The following PGAP2 variants were observed in gnomAD, a reference collection of about 807,000 sequenced individuals.
PGAP2 encodes the protein acyltransferase PGAP2.
A neutral mutation model predicts 33.2 loss-of-function variants in PGAP2; 21 were observed. The observed-to-expected ratio is 0.63, with a 90% CI of 0.45 to 0.91. PGAP2 has a LOEUF of 0.91. Ranked by LOEUF, PGAP2 falls within the 40% of genes least tolerant of loss-of-function variation. PGAP2 has a pLI of 0.00. For missense variants in PGAP2, 345 were observed against 424.0 expected (o/e 0.81, Z 1.64); for synonymous variants, 161 against 172.9 (o/e 0.93, Z 0.54).
At chr11:3,817,162 C>T (rs1313788760) in intron 2 of PGAP2, among the ~76,000 whole-genome samples, 191 bp from the exon 3 acceptor site, 1 of 152,154 alleles carries the variant, frequency 6.6e-6, no homozygotes, top group African/African-American at 2.4e-5. Flanking sequence ...CCCTGCCTGT[C>T]TCTGCTGCTC....
chr11:3,824,562 A>G (rs2089647805), intron 5 of PGAP2, 186 bp downstream of exon 5: 2 of 871,416 alleles, frequency 2.3e-6, no homozygotes, highest in Admixed American at 4.3e-5. Context: ...CTAGGACTAT[A>G]GCACTGTGTT....
chr11:3,812,420 C>T (rs537743258), intron 2 of PGAP2, among the ~76,000 whole-genome samples: 2 of 152,158 alleles, frequency 1.3e-5, no homozygotes, highest in African/African-American at 4.8e-5. Flanking sequence ...ATAGTGAGAC[C>T]CCCATTTCTA....
intron 3 of PGAP2, chr11:3,822,979 C>T: frequency 6.6e-7 from 1 of 1,503,832 alleles, no homozygotes; most frequent in African/African-American, 1.4e-5. Flanking sequence ...TGGTCATTTC[C>T]TTAGACTACC....
intron 3 of PGAP2, among the ~76,000 whole-genome samples, chr11:3,820,546 G>C (rs2088316544): frequency 6.6e-6 from 1 of 152,142 alleles, no homozygotes; most frequent in Admixed American, 6.5e-5. Context: ...TGTAATCCCA[G>C]CTACTCGGGA....
chr11:3,825,517 C>G lies in PGAP2; in HGVS notation c.*59C>G. 1 of 1,548,570 alleles carries G rather than the reference C, an allele frequency of 6.5e-7. No individual in the cohort carries two copies. The highest frequency in any genetic ancestry group is 1.4e-5 in the African/African-American group (1 of 73,608). On this transcript the variant is annotated 3_prime_UTR_variant, in exon 7 of 7. Transcript: ENST00000278243. ...CTGCCCAGAAACAAGAAACACGATACCATTCTGGCCTTCCCCACCCCACAT... is the reference window on the plus strand; with the variant it reads ...CTGCCCAGAAACAAGAAACACGATAGCATTCTGGCCTTCCCCACCCCACAT...
chr11:3,802,158 C>T (rs1476464972), intron 1 of PGAP2, among the ~76,000 whole-genome samples: 1 of 143,678 alleles, frequency 7.0e-6, no homozygotes, highest in Non-Finnish European at 1.5e-5. Context: ...GTCCAAAGTA[C>T]AAGTAGATGT....
At chr11:3,805,496 A>T (rs2084165758), upstream of PGAP2, among the ~76,000 whole-genome samples, 2 of 150,834 alleles carry the variant, frequency 1.3e-5, no homozygotes, top group African/African-American at 2.4e-5. Context: ...TCCTGGGCTC[A>T]AGTGATCCTC....
chr11:3,822,538 G>C (rs2089045229), intron 3 of PGAP2, among the ~76,000 whole-genome samples: 1 of 152,108 alleles, frequency 6.6e-6, no homozygotes, highest in Admixed American at 6.6e-5. Flanking sequence ...GGAGGCTGAA[G>C]TGAGAGGATC....
rs771941714 is a variant in PGAP2, at chr11:3,817,498, T to C, written c.311T>C (p.Val104Ala). 5.6e-6 allele frequency: 9 copies of C among 1,614,044 alleles called. No individual in the cohort carries two copies. The South Asian group carries it at 8.8e-5, about 16-fold the overall frequency. The change falls in exon 3 of 7, where the codon GTG (valine) becomes GCG (alanine). Residue 104 changes from valine (V) to alanine (A), a missense_variant. By Grantham distance (64) the Val-to-Ala change is moderately conservative. Coordinates refer to ENST00000278243, the MANE Select transcript of PGAP2 (RefSeq NM_014489.4). ...TTCTTCTGCATCATCTGGTCCCTGG[T>C]GTTCCACTTTGAGTACACGGTGGCC... ...GFFFCIIWSL[V>A]FHFEYTVATD...
chr11:3,808,585 G>C lies in PGAP2; in HGVS notation c.-77G>C, dbSNP rs2084898860. 7.4e-7 allele frequency: 1 copy of C among 1,355,128 alleles called. No homozygotes were observed. The highest frequency in any genetic ancestry group is 1.5e-5 in the African/African-American group (1 of 65,970). 83.9% of individuals were successfully genotyped at this position (1,355,128 alleles called of 1,614,324 possible). ...GTTCGCGCTCTGACCAGCCCGCAGA[G>C]CCAGCCCCCGACCCCGGGCCACCTG... On this transcript the variant is annotated 5_prime_UTR_variant, in exon 1 of 7. Coordinates refer to ENST00000278243, the MANE Select transcript of PGAP2 (RefSeq NM_014489.4).
chr11:3,806,436 G>T (rs1047278511), upstream of PGAP2, among the ~76,000 whole-genome samples: 1 of 152,154 alleles, frequency 6.6e-6, no homozygotes, highest in Non-Finnish European at 1.5e-5. Flanking sequence ...CTCTGAGTGC[G>T]CACCTTCTCC....
At chr11:3,824,955 T>C in intron 5 of PGAP2, 65 bp from the exon 6 acceptor site, 3 of 1,607,158 alleles carry the variant, frequency 1.9e-6, no homozygotes, top group Non-Finnish European at 2.6e-6. Context: ...GAGTTAGGGC[T>C]GAGAGGGGAG....
intron 3 of PGAP2, chr11:3,823,516 CTG>C: frequency 7.6e-7 from 1 of 1,314,052 alleles, no homozygotes; most frequent in African/African-American, 1.5e-5. Flanking sequence ...TGGACTGAAT[CTG>C]AGGCCTTGGA....
chr11:3,819,585 C>T (rs73421079), intron 3 of PGAP2, among the ~76,000 whole-genome samples: 17,933 of 151,992 alleles, frequency 0.12, 3,472 homozygotes, highest in African/African-American at 0.41. Flanking sequence ...TCTGAGGTGC[C>T]GTGCAAGGGG....
intron 1 of PGAP2, chr11:3,797,995 C>T: frequency 7.8e-6 from 12 of 1,539,722 alleles, no homozygotes; most frequent in Non-Finnish European, 9.6e-6. Flanking sequence ...AACTATTCGA[C>T]CCTTTCCTTG....
intron 3 of PGAP2, chr11:3,822,930 TC>T: frequency 1.9e-6 from 3 of 1,540,872 alleles, no homozygotes; most frequent in Non-Finnish European, 1.8e-6. Flanking sequence ...CAATAGGAGT[TC>T]CAGGCATTAA....
chr11:3,822,288 C>T (rs1381402087), intron 3 of PGAP2, among the ~76,000 whole-genome samples: 5 of 152,090 alleles, frequency 3.3e-5, no homozygotes, highest in Admixed American at 6.6e-5. Flanking sequence ...GGCGTGAACC[C>T]GGGAGGCGGA....
At chr11:3,798,742 C>G (rs750860592) in intron 1 of PGAP2, among the ~76,000 whole-genome samples, 2 of 151,488 alleles carry the variant, frequency 1.3e-5, no homozygotes, top group Non-Finnish European at 2.9e-5. Flanking sequence ...CTCCCAGGTA[C>G]AAGAGAGTCT....
In PGAP2 at chr11:3,811,283, G is replaced by A; in HGVS notation, c.24G>A (p.Leu8=). The change falls in exon 2 of 7, where the codon CTG becomes CTA. Residue 8 remains leucine (L), a synonymous_variant. Transcript: ENST00000278243. The surrounding 1 kb of genome is among the most constrained non-coding windows in gnomAD (Gnocchi z 4.6). MYQVPLP[L]DRDGTLVRLR... The stretch of plus-strand genomic sequence containing the variant: ...AGATGTACCAGGTCCCACTACCACT[G>A]GATCGGGATGGGACCCTGGTACGGC... 1.2e-6 allele frequency: 2 copies of A among 1,613,928 alleles called. No individual in the cohort carries two copies. The highest frequency in any genetic ancestry group is 1.7e-6 in the Non-Finnish European group (2 of 1,179,872).
Sources: allele counts gnomAD v4.1 joint callset (sites outside exome capture counted in the v4.1 genomes callset), GRCh38; gene constraint gnomAD v4.1.1; non-coding constraint Gnocchi (gnomAD v3.1); transcripts MANE v1.5; gene names NCBI Gene and HGNC (gene_info 2026-07-23, HGNC 2026-07-21).